Variants in PPFIA4 observed in about 807,000 individuals in gnomAD.
The protein encoded by PPFIA4 is PPFI scaffold protein A4.
In PPFIA4, 98 loss-of-function variants were observed where a neutral mutation model predicts 145.7. That is an observed-to-expected ratio of 0.67 (90% CI 0.57 to 0.80). The LOEUF is 0.80. Ranked by LOEUF, PPFIA4 falls within the 30% of genes least tolerant of loss-of-function variation. The pLI is 0.00. For synonymous variants in PPFIA4, 628 were observed against 649.6 expected (o/e 0.97, Z 0.51); for missense variants, 1,457 against 1,632.7 (o/e 0.89, Z 1.85).
At chr1:203,062,465 G>C (rs1661441778) in intron 24 of PPFIA4, among the ~76,000 whole-genome samples, 1 of 101,856 alleles carries the variant, frequency 9.8e-6, no homozygotes, top group Non-Finnish European at 1.8e-5. Context: ...GGGTGACAGA[G>C]CAAGACTCCG....
intron 25 of PPFIA4, chr1:203,067,442 T>G (rs775688375): frequency 1.8e-5 from 8 of 446,404 alleles, no homozygotes; most frequent in South Asian, 3.7e-5. Flanking sequence ...TCAAAGAACT[T>G]TTTTTCCCAT....
Position 203,055,089 on chromosome 1 carries a change from C to G in PPFIA4, c.1830-343C>G, listed in dbSNP as rs1660828981. Among the ~76,000 whole-genome samples, 1 of 152,206 alleles carries G rather than the reference C, an allele frequency of 6.6e-6. No individual in the cohort carries two copies. Among genetic ancestry groups the G allele is most frequent in the Admixed American group, 6.5e-5 (1 of 15,284 alleles). On this transcript the variant is annotated intron_variant, in intron 15 of 29. Transcript: ENST00000295706. The surrounding 1 kb of genome is among the most constrained non-coding windows in gnomAD (Gnocchi z 4.8). ...ACACTTGGAAACTGCTGACTTATACCACTTCAGACATAGCATATGTTGGGA... is the reference window on the plus strand; with the variant it reads ...ACACTTGGAAACTGCTGACTTATACGACTTCAGACATAGCATATGTTGGGA...
intron 1 of PPFIA4, chr1:203,035,355 G>A (rs1659161741): frequency 6.6e-6 from 3 of 454,650 alleles, no homozygotes; most frequent in South Asian, 1.6e-5. Flanking sequence ...TGTGTGTGGG[G>A]CCAGCCAGAG....
rs180679004 is a variant in PPFIA4, at chr1:203,048,591, G to A, written c.1233G>A (p.Gln411=). 60 of 1,584,602 alleles carry A rather than the reference G, an allele frequency of 3.8e-5. No individual in the cohort carries two copies. In the African/African-American group the frequency reaches 7.4e-4, roughly 20 times the overall value. ...EKNQELARVR[Q]REKMNEDHNK... ...GGCAGACGGCTGTGCAGGTGCGCCA[G>A]CGGGAAAAGATGAATGAGGACCACA... Residue 411 remains glutamine, a synonymous_variant, in exon 11 of 30, where the codon CAG becomes CAA. Transcript: ENST00000295706. The surrounding 1 kb of genome is among the most constrained non-coding windows in gnomAD (Gnocchi z 5.8).
Position 203,060,880 on chromosome 1 carries a change from G to A in PPFIA4, c.2785-90G>A. On this transcript the variant is annotated intron_variant, in intron 22 of 29. Coordinates refer to ENST00000295706, the MANE Select transcript of PPFIA4 (RefSeq NM_001304331.2). This position sits in a 1 kb window ranked among gnomAD's most constrained non-coding sequence, Gnocchi z 4.8. Reference sequence around the variant, plus strand: ...CCCCATTTCAGAGGACTCAGGGAGGGAGCTTTGTCCTTGTCCTTTGGGCTC... The same window carrying A: ...CCCCATTTCAGAGGACTCAGGGAGGAAGCTTTGTCCTTGTCCTTTGGGCTC... 1 of 1,169,422 alleles carries A rather than the reference G, an allele frequency of 8.6e-7. No homozygotes were observed. The highest frequency in any genetic ancestry group is 1.8e-5 in the Admixed American group (1 of 56,686). The allele number at this position is 1,169,422 out of a possible 1,614,324, so 72.4% of individuals were successfully genotyped here.
chr1:203,048,474 G>A lies in PPFIA4; in HGVS notation c.1225-109G>A. ...GGGGAGGTGGTCAGGAGACTGGAGA[G>A]AGTGGCTCCCAGAGGATGAGAAGAG... On this transcript the variant is annotated intron_variant, in intron 10 of 29. Coordinates refer to ENST00000295706, the MANE Select transcript of PPFIA4 (RefSeq NM_001304331.2). This position sits in a 1 kb window ranked among gnomAD's most constrained non-coding sequence, Gnocchi z 5.8. 6.6e-7 allele frequency: 1 copy of A among 1,504,336 alleles called. No individual in the cohort carries two copies. The highest frequency in any genetic ancestry group is 2.0e-5 in the Admixed American group (1 of 50,338). 93.2% of individuals were successfully genotyped at this position (1,504,336 alleles called of 1,614,324 possible).
At chr1:203,064,324 T>C (rs531112982) in intron 25 of PPFIA4, among the ~76,000 whole-genome samples, 2 of 152,354 alleles carry the variant, frequency 1.3e-5, no homozygotes, top group Admixed American at 1.3e-4. Context: ...TTGCTTGTCT[T>C]TGGGCTTGCT....
intron 13 of PPFIA4, among the ~76,000 whole-genome samples, chr1:203,050,842 C>T (rs953696083): frequency 4.0e-5 from 6 of 151,324 alleles, no homozygotes; most frequent in Non-Finnish European, 7.4e-5. Flanking sequence ...TAGTAAAATA[C>T]GGCCCACAGT....
chr1:203,067,652 G>C (rs1181531790), intron 25 of PPFIA4, 43 bp from the exon 26 acceptor site: 1 of 1,541,984 alleles, frequency 6.5e-7, no homozygotes, highest in Admixed American at 1.7e-5. Context: ...GTGTGGGAAT[G>C]TGGCCCCACT....
chr1:203,051,679 A>C (rs914479635), intron 13 of PPFIA4, 90 bp from the exon 14 acceptor site: 2 of 1,516,130 alleles, frequency 1.3e-6, no homozygotes, highest in Non-Finnish European at 1.8e-6. Flanking sequence ...CTCTGAGCTG[A>C]AGATCCCTTG....
At chr1:203,039,475 T>TCA (rs1232334668) in intron 2 of PPFIA4, among the ~76,000 whole-genome samples, 2 of 152,140 alleles carry the variant, frequency 1.3e-5, no homozygotes, top group African/African-American at 4.8e-5. Flanking sequence ...CAGCCATAGG[T>TCA]GTCAGCTACA....
intron 14 of PPFIA4, among the ~76,000 whole-genome samples, chr1:203,053,519 G>A (rs12732801): frequency 2.7e-5 from 4 of 148,310 alleles, no homozygotes; most frequent in Non-Finnish European, 4.5e-5. Flanking sequence ...GGTGACAGAG[G>A]GAGACTCCAT....
chr1:203,053,252 G>T (rs1558084168), intron 14 of PPFIA4, among the ~76,000 whole-genome samples: 1 of 150,482 alleles, frequency 6.6e-6, no homozygotes, highest in Non-Finnish European at 1.5e-5. Context: ...CCAGGGGTCA[G>T]CCGGGCACGG....
chr1:203,056,699 T>C (rs1660981751), intron 18 of PPFIA4, 85 bp from the exon 19 acceptor site: 3 of 1,324,720 alleles, frequency 2.3e-6, no homozygotes, highest in East Asian at 5.0e-5. Flanking sequence ...ATAGAAGTTC[T>C]TCCTGAGGTC....
chr1:203,071,664 T>C (rs533228237), intron 27 of PPFIA4, 28 bp from the exon 28 acceptor site: 2 of 1,568,996 alleles, frequency 1.3e-6, no homozygotes, highest in East Asian at 4.5e-5. Context: ...CCTTCCCACC[T>C]TTCCCTCTCC....
At chr1:203,030,077 A>G (rs941972086) in intron 1 of PPFIA4, among the ~76,000 whole-genome samples, 5 of 152,212 alleles carry the variant, frequency 3.3e-5, no homozygotes, top group Admixed American at 3.3e-4. Flanking sequence ...GATAACTGTC[A>G]TTTCAAAGAG....
intron 25 of PPFIA4, 64 bp from the exon 26 acceptor site, chr1:203,067,631 T>G: frequency 7.1e-7 from 1 of 1,412,444 alleles, no homozygotes; most frequent in Non-Finnish European, 1.0e-6. Flanking sequence ...ATGCTGGATG[T>G]GAGACAGGTG....
intron 25 of PPFIA4, among the ~76,000 whole-genome samples, chr1:203,064,542 A>G (rs942118944): frequency 6.6e-6 from 1 of 152,212 alleles, no homozygotes; most frequent in Non-Finnish European, 1.5e-5. Flanking sequence ...TCTGTTCAAA[A>G]GTGTCTGCGG....
In PPFIA4 at chr1:203,048,521, C is replaced by T; in HGVS notation, c.1225-62C>T. 6.4e-7 allele frequency: 1 copy of T among 1,550,470 alleles called. No homozygotes were observed. Among genetic ancestry groups the T allele is most frequent in the Non-Finnish European group, 8.7e-7 (1 of 1,147,170 alleles). On this transcript the variant is annotated intron_variant, in intron 10 of 29. Coordinates refer to ENST00000295706, the MANE Select transcript of PPFIA4 (RefSeq NM_001304331.2). The surrounding 1 kb of genome is among the most constrained non-coding windows in gnomAD (Gnocchi z 5.8). ...AGAGGACAGGGGAGGGAGTCAAACC[C>T]CAGCAGGAGAGGGTGGTCCTCCCTG... is the stretch of plus-strand genomic sequence containing the variant.
Sources: allele counts gnomAD v4.1 joint callset (sites outside exome capture counted in the v4.1 genomes callset), GRCh38; gene constraint gnomAD v4.1.1; non-coding constraint Gnocchi (gnomAD v3.1); transcripts MANE v1.5; gene names NCBI Gene and HGNC (gene_info 2026-07-23, HGNC 2026-07-21).